The following RFX3 variants were observed in gnomAD, a reference collection of about 807,000 sequenced individuals.
RFX3 encodes the protein transcription factor RFX3.
In RFX3, 14 loss-of-function variants were observed where a neutral mutation model predicts 98.6. The observed-to-expected ratio is 0.14, with a 90% CI of 0.09 to 0.22. The LOEUF is 0.22. RFX3 is among the 10% of genes least tolerant of loss of function. The pLI, the probability that RFX3 is intolerant of heterozygous loss-of-function variation, is 1.00. For synonymous variants in RFX3, 383 were observed against 328.4 expected (o/e 1.17, Z -1.80); for missense variants, 639 against 926.9 (o/e 0.69, Z 4.03).
chr9:3,382,766 G>A (rs10814039), intron 2 of RFX3, among the ~76,000 whole-genome samples: 38,705 of 151,842 alleles, frequency 0.25, 5,965 homozygotes, highest in African/African-American at 0.43. Context: ...GTAATTTTCA[G>A]GACAAGAGTT....
Position 3,224,967 on chromosome 9 carries a change from G to C in RFX3, c.*75C>G. The C allele has an allele frequency of 7.0e-7, 1 of 1,427,890 alleles. No individual in the cohort carries two copies. The highest frequency in any genetic ancestry group is 9.7e-7 in the Non-Finnish European group (1 of 1,027,658). 88.5% of individuals were successfully genotyped at this position (1,427,890 alleles called of 1,614,324 possible). ...AGAATTTGACAACAGTCGACCTTCA[G>C]GCTTATTAAATTTTCAACTTAAGCC... On this transcript the variant is annotated 3_prime_UTR_variant, in exon 17 of 17. Transcript: ENST00000617270.
At chr9:3,518,224 A>G (rs1276424209) in intron 1 of RFX3, among the ~76,000 whole-genome samples, 2 of 152,210 alleles carry the variant, frequency 1.3e-5, no homozygotes, top group Non-Finnish European at 2.9e-5. Flanking sequence ...TTCTCAGAAC[A>G]TATCCATATC....
chr9:3,336,296 C>T (rs1324330915), intron 3 of RFX3, among the ~76,000 whole-genome samples: 1 of 151,874 alleles, frequency 6.6e-6, no homozygotes, highest in African/African-American at 2.4e-5. Context: ...AAAGGAACAA[C>T]ACAGACATGA....
At chr9:3,419,795 T>A (rs1056120479) in intron 1 of RFX3, among the ~76,000 whole-genome samples, 8 of 152,190 alleles carry the variant, frequency 5.3e-5, no homozygotes, top group African/African-American at 1.4e-4. Context: ...TACATATGCA[T>A]GGGGTACATA....
At chr9:3,412,235 A>G (rs1239741154) in intron 1 of RFX3, among the ~76,000 whole-genome samples, 1 of 152,164 alleles carries the variant, frequency 6.6e-6, no homozygotes, top group Non-Finnish European at 1.5e-5. Context: ...TACTTTATCT[A>G]TGTTCAGAGA....
intron 4 of RFX3, among the ~76,000 whole-genome samples, chr9:3,320,810 T>TAC (rs1831208139): frequency 8.3e-6 from 1 of 120,548 alleles, no homozygotes; most frequent in South Asian, 2.7e-4. Context: ...TATATATATA[T>TAC]AGCCTCATTA....
intron 1 of RFX3, among the ~76,000 whole-genome samples, chr9:3,452,666 G>A (rs576460582): frequency 2.6e-5 from 4 of 152,268 alleles, no homozygotes; most frequent in Non-Finnish European, 5.9e-5. Flanking sequence ...GGGAATAGGA[G>A]GCTGGTGTGG....
rs1817385190 is a variant in RFX3, at chr9:3,222,418, C to G, written c.*2624G>C. 6.6e-6 allele frequency: 1 copy of G among 152,150 alleles called. No individual in the cohort carries two copies. The highest frequency in any genetic ancestry group is 1.5e-5 in the Non-Finnish European group (1 of 68,012). 9.4% of individuals were successfully genotyped at this position (152,150 alleles called of 1,614,324 possible). A position where few individuals can be genotyped will look rare whatever the true frequency, so the allele number is the denominator to read the frequency against. On this transcript the variant is annotated 3_prime_UTR_variant, in exon 17 of 17. Transcript: ENST00000617270. ...TTGAATCCTGGAGCATCCCCGATCC[C>G]TAAGCCTCATCAATCTAAATTTGCC...
At chr9:3,378,975 G>A (rs377104792) in intron 2 of RFX3, among the ~76,000 whole-genome samples, 1 of 152,162 alleles carries the variant, frequency 6.6e-6, no homozygotes, top group Non-Finnish European at 1.5e-5. Flanking sequence ...AAATTGGAGT[G>A]TGTGCCTGTA....
chr9:3,415,086 A>T (rs921962844), intron 1 of RFX3, among the ~76,000 whole-genome samples: 2 of 89,414 alleles, frequency 2.2e-5, no homozygotes, highest in African/African-American at 8.9e-5. Flanking sequence ...ATATATTCTT[A>T]TATATATACT....
chr9:3,349,604 A>C (rs1794950348), intron 2 of RFX3, among the ~76,000 whole-genome samples: 1 of 151,624 alleles, frequency 6.6e-6, no homozygotes, highest in Admixed American at 6.6e-5. Flanking sequence ...ACAGGTAACC[A>C]TTTTCACTAT....
chr9:3,385,482 G>A (rs1193664410), intron 2 of RFX3, among the ~76,000 whole-genome samples: 4 of 151,926 alleles, frequency 2.6e-5, no homozygotes, highest in Admixed American at 6.6e-5. Flanking sequence ...AGGCTGAGAC[G>A]GGTAGATCAC....
chr9:3,486,153 A>AT, intron 1 of RFX3, among the ~76,000 whole-genome samples: 1 of 150,106 alleles, frequency 6.7e-6, no homozygotes, highest in Non-Finnish European at 1.5e-5. Context: ...AAAAAAAAAA[A>AT]GAATAATACA....
Position 3,256,976 on chromosome 9 carries a change from A to G in RFX3, c.1814+15T>C. 4.3e-6 allele frequency: 7 copies of G among 1,610,874 alleles called. No homozygotes were observed. Among genetic ancestry groups the G allele is most frequent in the Non-Finnish European group, 2.5e-6 (3 of 1,177,182 alleles). On this transcript the variant is annotated intron_variant, in intron 14 of 16. Transcript: ENST00000617270. ...GAATATGAAGAAGAAAGCCTAGGAA[A>G]AACCTAGATGATACCTGTAGAAAGA...
At chr9:3,484,987 T>A (rs572275515) in intron 1 of RFX3, among the ~76,000 whole-genome samples, 2 of 147,606 alleles carry the variant, frequency 1.4e-5, no homozygotes, top group South Asian at 4.4e-4. Context: ...TAGTCCTAGC[T>A]ACTTGGGAGG....
At chr9:3,329,788 G>A (rs1649513825) in intron 4 of RFX3, among the ~76,000 whole-genome samples, 1 of 152,124 alleles carries the variant, frequency 6.6e-6, no homozygotes, top group African/African-American at 2.4e-5. Flanking sequence ...CATGTCTAAG[G>A]TTTGGGATGC....
rs115767374 is a variant in RFX3 at position 3,401,823 on chromosome 9, G to A, written c.-8-6227C>T. 2.4e-3 allele frequency among the ~76,000 whole-genome samples: 362 copies of A among 152,246 alleles called. 3 individuals are homozygous for A. The highest frequency in any genetic ancestry group is 8.3e-3 in the African/African-American group (346 of 41,544). ...ACAGCCAGCTCTGGCTGAATCATGC[G>A]AATCTACAGCTAAATAGGCCACATT... On this transcript the variant is annotated intron_variant, in intron 1 of 16. Transcript: ENST00000617270.
In RFX3 at chr9:3,395,614, G is replaced by A; in HGVS notation, c.-8-18C>T. The stretch of plus-strand genomic sequence containing the variant: ...GATGGTCTCTGAAATAGATTAAAAT[G>A]AAATTAAAGTTTAAAATGTCACTCC... On this transcript the variant is annotated intron_variant, in intron 1 of 16. Coordinates refer to ENST00000617270, the MANE Select transcript of RFX3 (RefSeq NM_001282116.2). 6.2e-7 allele frequency: 1 copy of A among 1,610,236 alleles called. No individual in the cohort carries two copies. The highest frequency in any genetic ancestry group is 8.5e-7 in the Non-Finnish European group (1 of 1,177,038).
At position 3,413,125 on chromosome 9, in the gene RFX3, A is replaced by AT. The variant is rs200097184; in HGVS notation, c.-8-17530dup. Among the ~76,000 whole-genome samples the AT allele has an allele frequency of 9.7e-3, 1,446 of 148,592 alleles. 32 individuals carry two copies. The highest frequency in any genetic ancestry group is 0.033 in the African/African-American group (1,352 of 40,844). On this transcript the variant is annotated intron_variant, in intron 1 of 16. Transcript: ENST00000617270. ...AAATTGTCATTTTATAGCAAGATCG[A>AT]TTTTTTTTTTTCAGTTACAACCTAT...
Sources: allele counts gnomAD v4.1 joint callset (sites outside exome capture counted in the v4.1 genomes callset), GRCh38; gene constraint gnomAD v4.1.1; transcripts MANE v1.5; gene names NCBI Gene and HGNC (gene_info 2026-07-23, HGNC 2026-07-21).